Variants in ENOX1 observed in about 807,000 individuals in gnomAD.
ENOX1 encodes candidate growth-related and time keeping constitutive hydroquinone (NADH) oxidase.
Under a neutral mutation model 82.5 loss-of-function variants are expected in ENOX1, and 42 were observed. The observed-to-expected ratio is 0.51, with a 90% CI of 0.40 to 0.66. The LOEUF is 0.66. Ranked by LOEUF, ENOX1 falls within the 30% of genes least tolerant of loss-of-function variation. The probability of loss-of-function intolerance (pLI) is 0.00; values close to 1 mark genes in which losing one functional copy is unlikely to be tolerated. For synonymous variants in ENOX1, 271 were observed against 282.2 expected (o/e 0.96, Z 0.40); for missense variants, 608 against 811.6 (o/e 0.75, Z 3.05).
chr13:43,561,681 A>G (rs772418871), intron 2 of ENOX1, among the ~76,000 whole-genome samples: 1 of 152,156 alleles, frequency 6.6e-6, no homozygotes, highest in Non-Finnish European at 1.5e-5. Flanking sequence ...AGGGAGGCCC[A>G]AAGGAACAGT....
chr13:43,463,489 T>A (rs1259777743), intron 3 of ENOX1, among the ~76,000 whole-genome samples: 3 of 152,184 alleles, frequency 2.0e-5, no homozygotes, highest in Non-Finnish European at 4.4e-5. Flanking sequence ...TGGGAAGAGC[T>A]GGGCCACCTG....
At chr13:43,392,790 A>G (rs2052875557) in intron 5 of ENOX1, among the ~76,000 whole-genome samples, 1 of 152,240 alleles carries the variant, frequency 6.6e-6, no homozygotes, top group Admixed American at 6.5e-5. Flanking sequence ...ATGTTTACAA[A>G]CACATTTAAA....
At chr13:43,220,595 G>A (rs1376016150) in intron 16 of ENOX1, among the ~76,000 whole-genome samples, 2 of 152,168 alleles carry the variant, frequency 1.3e-5, no homozygotes, top group East Asian at 3.8e-4. Flanking sequence ...GAAAAGCAGT[G>A]AATTATCCCA....
At chr13:43,785,404 T>A (rs895868844) in intron 1 of ENOX1, among the ~76,000 whole-genome samples, 16 of 152,156 alleles carry the variant, frequency 1.1e-4, no homozygotes, top group African/African-American at 3.9e-4. Context: ...GCACGCTTCA[T>A]TGCTTTCTCC....
At chr13:43,441,347 C>G (rs1291985714) in intron 3 of ENOX1, among the ~76,000 whole-genome samples, 1 of 152,156 alleles carries the variant, frequency 6.6e-6, no homozygotes, top group Non-Finnish European at 1.5e-5. Context: ...GCTAAATATA[C>G]ATGTCATTTC....
intron 3 of ENOX1, among the ~76,000 whole-genome samples, chr13:43,426,914 C>G (rs930964949): frequency 6.6e-6 from 1 of 152,180 alleles, no homozygotes; most frequent in East Asian, 1.9e-4. Flanking sequence ...CCAGACTTCT[C>G]ACTGTATGAC....
At chr13:43,501,837 G>T (rs1368243350) in intron 2 of ENOX1, among the ~76,000 whole-genome samples, 3 of 143,914 alleles carry the variant, frequency 2.1e-5, no homozygotes, top group African/African-American at 5.0e-5. Flanking sequence ...ATGCTTTAAA[G>T]AACTAGAAAA....
intron 1 of ENOX1, among the ~76,000 whole-genome samples, chr13:43,709,574 C>G (rs1009662425): frequency 6.6e-6 from 1 of 150,986 alleles, no homozygotes; most frequent in African/African-American, 2.4e-5. Context: ...GAAAAACATT[C>G]ATGAAGGAGG....
intron 1 of ENOX1, among the ~76,000 whole-genome samples, chr13:43,691,944 C>T (rs188934211): frequency 1.3e-5 from 2 of 152,262 alleles, no homozygotes; most frequent in Non-Finnish European, 2.9e-5. Flanking sequence ...TTGTGATCCA[C>T]CCACCTCAGC....
chr13:43,492,156 A>C (rs1235356331), intron 2 of ENOX1, among the ~76,000 whole-genome samples: 1 of 152,226 alleles, frequency 6.6e-6, no homozygotes, highest in Non-Finnish European at 1.5e-5. Context: ...TCTTTCCAAG[A>C]CAACAGCCAG....
intron 3 of ENOX1, among the ~76,000 whole-genome samples, chr13:43,427,634 T>C (rs2055399037): frequency 6.6e-6 from 1 of 152,222 alleles, no homozygotes; most frequent in African/African-American, 2.4e-5. Context: ...GTTGACTGTA[T>C]GTAGCACTGT....
At chr13:43,729,171 C>T (rs146957227) in intron 1 of ENOX1, among the ~76,000 whole-genome samples, 2,219 of 152,300 alleles carry the variant, frequency 0.015, 51 homozygotes, top group African/African-American at 0.049. Context: ...CACAATCCAA[C>T]ATTCCCTGAA....
chr13:43,461,384 T>C (rs1178935207), intron 3 of ENOX1, among the ~76,000 whole-genome samples: 3 of 152,356 alleles, frequency 2.0e-5, no homozygotes, highest in Non-Finnish European at 4.4e-5. Context: ...CTAGGGTTCA[T>C]GATCTATAAG....
intron 2 of ENOX1, among the ~76,000 whole-genome samples, chr13:43,549,913 G>A (rs992531271): frequency 3.3e-5 from 5 of 152,270 alleles, no homozygotes; most frequent in South Asian, 4.1e-4. Flanking sequence ...CTAAGACAGC[G>A]GCTGCCAATC....
intron 12 of ENOX1, among the ~76,000 whole-genome samples, chr13:43,276,322 C>A (rs572936399): frequency 7.2e-5 from 11 of 152,270 alleles, no homozygotes; most frequent in African/African-American, 2.6e-4. Flanking sequence ...GCCTCTGTAA[C>A]CCTGTTGCCA....
intron 9 of ENOX1, among the ~76,000 whole-genome samples, chr13:43,339,937 G>A (rs1292550623): frequency 6.6e-6 from 1 of 152,222 alleles, no homozygotes; most frequent in Admixed American, 6.5e-5. Context: ...AAGTGTGTCA[G>A]TCACTGAGGA....
In ENOX1 at chr13:43,359,867, T is replaced by C; in HGVS notation, c.573A>G (p.Lys191=). The change falls in exon 7 of 17, where the codon AAA becomes AAG. Residue 191 remains lysine, a synonymous_variant. Coordinates refer to ENST00000690772, the MANE Select transcript of ENOX1 (RefSeq NM_001347969.2). Reference sequence around the variant, plus strand: ...GCAAAGTACCAGAAAGGTAAATGGCTTTATCAACCATGAATTCCTCTGCAA... The same window carrying C: ...GCAAAGTACCAGAAAGGTAAATGGCCTTATCAACCATGAATTCCTCTGCAA... The part of the protein sequence containing the change: ...IRFAEEFMVD[K]AIYLSGYRMR... The C allele has an allele frequency of 6.2e-7, 1 of 1,614,186 alleles. No homozygotes were observed. The highest frequency in any genetic ancestry group is 1.1e-5 in the South Asian group (1 of 91,084).
intron 3 of ENOX1, among the ~76,000 whole-genome samples, chr13:43,461,502 T>G (rs746938403): frequency 6.6e-6 from 1 of 152,224 alleles, no homozygotes; most frequent in Non-Finnish European, 1.5e-5. Flanking sequence ...GTATAATGAT[T>G]TAAATTGCAA....
At chr13:43,321,190 T>C (rs150946544) in intron 11 of ENOX1, 8 of 455,886 alleles carry the variant, frequency 1.8e-5, no homozygotes, top group African/African-American at 1.4e-4. Context: ...GAATTTCCTA[T>C]AGGGCTTAAA....
Sources: gnomAD v4.1 joint callset for allele counts (sites outside exome capture counted in the v4.1 genomes callset) on GRCh38, gnomAD v4.1.1 for gene constraint, MANE v1.5 for transcripts, NCBI Gene and HGNC (gene_info 2026-07-23, HGNC 2026-07-21) for gene names.